FBXL7: variants seen among roughly 807,000 people sequenced by gnomAD.
The protein encoded by FBXL7 is F-box and leucine rich repeat protein 7, also known as F-box/LRR-repeat protein 7.
Under a neutral mutation model 38.3 loss-of-function variants are expected in FBXL7, and 12 were observed. That is an observed-to-expected ratio of 0.31 (90% CI 0.20 to 0.51). FBXL7 has a LOEUF of 0.51. Ranked by LOEUF, FBXL7 falls within the 20% of genes least tolerant of loss-of-function variation. The pLI is 0.98. For synonymous variants in FBXL7, 297 were observed against 300.9 expected (o/e 0.99, Z 0.13); for missense variants, 567 against 676.4 (o/e 0.84, Z 1.79).
intron 1 of FBXL7, among the ~76,000 whole-genome samples, chr5:15,562,214 A>G (rs1315843148): frequency 6.6e-6 from 1 of 152,164 alleles, no homozygotes; most frequent in Non-Finnish European, 1.5e-5. Flanking sequence ...CAATGATTTC[A>G]TGGATATGAC....
At chr5:15,557,152 A>T (rs1026375238) in intron 1 of FBXL7, among the ~76,000 whole-genome samples, 1 of 152,124 alleles carries the variant, frequency 6.6e-6, no homozygotes, top group Non-Finnish European at 1.5e-5. Context: ...GTTAGCCAGG[A>T]TGGTCTCCAT....
At chr5:15,664,198 A>G (rs796736167) in intron 2 of FBXL7, among the ~76,000 whole-genome samples, 7 of 152,298 alleles carry the variant, frequency 4.6e-5, no homozygotes, top group African/African-American at 1.7e-4. Flanking sequence ...ACTTTCAGAT[A>G]GTATTATAAG....
Position 15,788,317 on chromosome 5 carries a change from C to T in FBXL7, c.128-139573C>T, listed in dbSNP as rs374216700. 2.3e-3 allele frequency among the ~76,000 whole-genome samples: 346 copies of T among 152,242 alleles called. 3 individuals are homozygous for T. The highest frequency in any genetic ancestry group is 3.9e-3 in the Non-Finnish European group (265 of 68,024). On this transcript the variant is annotated intron_variant, in intron 2 of 3. Transcript: ENST00000504595. ...ACCACTTAGCCGGTTTATGTTTTAA[C>T]CCATAGAGCCTAGCCTGGAATTTGA...
At chr5:15,513,776 T>G (rs1419078191) in intron 1 of FBXL7, among the ~76,000 whole-genome samples, 1 of 152,266 alleles carries the variant, frequency 6.6e-6, no homozygotes, top group African/African-American at 2.4e-5. Flanking sequence ...TGTAGCTTCA[T>G]TTGGATAATG....
At chr5:15,620,694 C>T (rs1013376926) in intron 2 of FBXL7, among the ~76,000 whole-genome samples, 13 of 152,252 alleles carry the variant, frequency 8.5e-5, no homozygotes, top group Non-Finnish European at 1.6e-4. Flanking sequence ...AGCTCTGGGG[C>T]GGAACTGGCC....
At chr5:15,698,912 A>G (rs1473713777) in intron 2 of FBXL7, among the ~76,000 whole-genome samples, 1 of 152,230 alleles carries the variant, frequency 6.6e-6, no homozygotes, top group Non-Finnish European at 1.5e-5. Flanking sequence ...TTAGCTATGC[A>G]GATGCTCATT....
chr5:15,764,927 A>G (rs948660826), intron 2 of FBXL7, among the ~76,000 whole-genome samples: 4 of 152,260 alleles, frequency 2.6e-5, no homozygotes, highest in Non-Finnish European at 5.9e-5. Context: ...TGCAAATATT[A>G]TGTATCTCCT....
chr5:15,669,181 A>AT (rs1554013490), intron 2 of FBXL7, among the ~76,000 whole-genome samples: 4 of 152,176 alleles, frequency 2.6e-5, no homozygotes, highest in Non-Finnish European at 1.5e-5. Flanking sequence ...CCTATCAATA[A>AT]TTTTTTTTAA....
intron 2 of FBXL7, among the ~76,000 whole-genome samples, chr5:15,839,707 A>G (rs1397193769): frequency 2.0e-5 from 3 of 152,284 alleles, no homozygotes; most frequent in African/African-American, 7.2e-5. Context: ...TAGATTTAAT[A>G]TTTATTTAAT....
At chr5:15,893,538 C>A (rs1740996987) in intron 2 of FBXL7, among the ~76,000 whole-genome samples, 1 of 151,876 alleles carries the variant, frequency 6.6e-6, no homozygotes, top group African/African-American at 2.4e-5. Flanking sequence ...AGCATAGTAC[C>A]TATTGAATTT....
intron 1 of FBXL7, among the ~76,000 whole-genome samples, chr5:15,580,422 TGGATG>T (rs1739100470): frequency 1.3e-5 from 2 of 152,154 alleles, no homozygotes; most frequent in Admixed American, 1.3e-4. Context: ...ACTCCCTCTC[TGGATG>T]GGGGCATGGC....
At chr5:15,571,787 T>A (rs1375062974) in intron 1 of FBXL7, among the ~76,000 whole-genome samples, 1 of 151,986 alleles carries the variant, frequency 6.6e-6, no homozygotes, top group Non-Finnish European at 1.5e-5. Flanking sequence ...TGGTGCTTGC[T>A]CCCATTGCAG....
intron 2 of FBXL7, among the ~76,000 whole-genome samples, chr5:15,720,285 A>T (rs1744158566): frequency 6.7e-6 from 1 of 148,716 alleles, no homozygotes. Flanking sequence ...TTCTCTGAAA[A>T]CATTATTCAA....
intron 2 of FBXL7, among the ~76,000 whole-genome samples, chr5:15,731,991 G>GA (rs890033495): frequency 6.6e-6 from 1 of 152,048 alleles, no homozygotes; most frequent in East Asian, 1.9e-4. Flanking sequence ...CAAATGCAGT[G>GA]AAAAAAATGC....
At chr5:15,546,670 G>T (rs1007953397) in intron 1 of FBXL7, among the ~76,000 whole-genome samples, 2 of 152,234 alleles carry the variant, frequency 1.3e-5, no homozygotes, top group African/African-American at 4.8e-5. Flanking sequence ...GGTGGAAGTT[G>T]CAGTGAGCTG....
At chr5:15,560,776 C>A (rs1004325573) in intron 1 of FBXL7, among the ~76,000 whole-genome samples, 4 of 152,116 alleles carry the variant, frequency 2.6e-5, no homozygotes, top group Non-Finnish European at 4.4e-5. Flanking sequence ...ATTTCATTGT[C>A]CCCGCTGGGA....
intron 2 of FBXL7, among the ~76,000 whole-genome samples, chr5:15,834,792 G>A (rs1738552144): frequency 1.3e-5 from 2 of 152,122 alleles, no homozygotes; most frequent in Admixed American, 1.3e-4. Flanking sequence ...CTGTTTTGTA[G>A]CCTTGAGGCT....
intron 2 of FBXL7, among the ~76,000 whole-genome samples, chr5:15,638,151 A>G (rs1432354090): frequency 1.3e-5 from 2 of 152,240 alleles, no homozygotes; most frequent in African/African-American, 4.8e-5. Flanking sequence ...AATTCAATTT[A>G]AGGTGATACT....
chr5:15,765,880 C>A (rs1341942304), intron 2 of FBXL7, among the ~76,000 whole-genome samples: 3 of 152,244 alleles, frequency 2.0e-5, no homozygotes, highest in Admixed American at 2.0e-4. Flanking sequence ...GCTCTCCAAC[C>A]CTACTCTCAT....
Sources: gnomAD v4.1 joint callset for allele counts (sites outside exome capture counted in the v4.1 genomes callset) on GRCh38, gnomAD v4.1.1 for gene constraint, MANE v1.5 for transcripts, NCBI Gene and HGNC (gene_info 2026-07-23, HGNC 2026-07-21) for gene names.